Variants in DGKB observed in about 807,000 individuals in gnomAD.
The protein encoded by DGKB is diacylglycerol kinase beta.
A neutral mutation model predicts 114.3 loss-of-function variants in DGKB; 67 were observed. The ratio of observed to expected loss-of-function variants is 0.59; its 90% CI spans 0.48 to 0.72. DGKB has a LOEUF of 0.72. Among genes scored for constraint, DGKB ranks in the 30% least tolerant of loss-of-function variants. DGKB has a pLI of 0.00. For missense variants in DGKB, 907 were observed against 975.2 expected, an observed-to-expected ratio of 0.93 and a Z score of 0.93; for synonymous variants, 398 against 323.1, an observed-to-expected ratio of 1.23 and a Z score of -2.49.
intron 1 of DGKB, among the ~76,000 whole-genome samples, chr7:14,961,778 C>A (rs1263805662): frequency 6.6e-6 from 1 of 152,068 alleles, no homozygotes; most frequent in Non-Finnish European, 1.5e-5. Flanking sequence ...TCCTCCTACA[C>A]AATCCTGCTT....
intron 23 of DGKB, among the ~76,000 whole-genome samples, chr7:14,278,770 GAAT>G (rs1307980813): frequency 1.3e-5 from 2 of 151,904 alleles, no homozygotes; most frequent in East Asian, 1.9e-4. Flanking sequence ...ATAATAATGA[GAAT>G]AATAATATAA....
chr7:14,502,566 C>G (rs1786370094), intron 20 of DGKB, among the ~76,000 whole-genome samples: 1 of 152,090 alleles, frequency 6.6e-6, no homozygotes, highest in African/African-American at 2.4e-5. Flanking sequence ...TTCTGAAGTA[C>G]TTTTGGCAAT....
At chr7:14,545,203 T>A (rs974074454) in intron 20 of DGKB, among the ~76,000 whole-genome samples, 1 of 152,122 alleles carries the variant, frequency 6.6e-6, no homozygotes, top group Non-Finnish European at 1.5e-5. Context: ...AATAACATGA[T>A]ACACAGTACA....
intron 20 of DGKB, among the ~76,000 whole-genome samples, chr7:14,519,568 G>A (rs1180321362): frequency 1.3e-5 from 2 of 151,984 alleles, no homozygotes; most frequent in Non-Finnish European, 2.9e-5. Flanking sequence ...CTATTTCAAT[G>A]AGCATAAATT....
chr7:14,733,849 A>AGAAG (rs999413006), intron 5 of DGKB, among the ~76,000 whole-genome samples: 1 of 151,864 alleles, frequency 6.6e-6, no homozygotes, highest in Non-Finnish European at 1.5e-5. Context: ...AAGGAAGGAA[A>AGAAG]GAAGGAAGGA....
Position 14,183,872 on chromosome 7 carries a change from C to T in DGKB, c.2123-5721G>A, listed in dbSNP as rs78127427. On this transcript the variant is annotated intron_variant, in intron 23 of 25. Transcript: ENST00000402815. ...TTGTAAATTTTAGCTCAATAGATTGCAAGAACAAACCAGCAATCTCGAGAG... is the reference window on the plus strand; with the variant it reads ...TTGTAAATTTTAGCTCAATAGATTGTAAGAACAAACCAGCAATCTCGAGAG... Among the ~76,000 whole-genome samples the T allele has an allele frequency of 2.9e-3, 443 of 152,280 alleles. 3 individuals carry two copies. The highest frequency in any genetic ancestry group is 0.01 in the African/African-American group (427 of 41,568).
At chr7:14,390,866 A>T (rs1821204971) in intron 21 of DGKB, among the ~76,000 whole-genome samples, 1 of 152,202 alleles carries the variant, frequency 6.6e-6, no homozygotes, top group Non-Finnish European at 1.5e-5. Flanking sequence ...TGTATGCAAC[A>T]TATACTCATT....
chr7:14,881,761 G>A (rs536814479), intron 1 of DGKB, among the ~76,000 whole-genome samples: 1 of 152,168 alleles, frequency 6.6e-6, no homozygotes, highest in East Asian at 1.9e-4. Context: ...AGAAGACTGA[G>A]TGAAATGCTA....
At chr7:14,889,844 T>G (rs1369346601) in intron 1 of DGKB, among the ~76,000 whole-genome samples, 1 of 151,556 alleles carries the variant, frequency 6.6e-6, no homozygotes, top group Admixed American at 6.6e-5. Context: ...GTAGACATAA[T>G]TTTTAACCCA....
intron 4 of DGKB, among the ~76,000 whole-genome samples, chr7:14,741,911 G>C (rs1832640593): frequency 6.6e-6 from 1 of 152,042 alleles, no homozygotes; most frequent in Non-Finnish European, 1.5e-5. Flanking sequence ...CCAAGCTATA[G>C]GTATATTTAA....
intron 23 of DGKB, among the ~76,000 whole-genome samples, chr7:14,326,440 G>A (rs2128548713): frequency 6.6e-6 from 1 of 152,242 alleles, no homozygotes; most frequent in Admixed American, 6.5e-5. Flanking sequence ...TGAGTCAGGT[G>A]GAGCGGTGCT....
chr7:14,207,697 A>G (rs1280495070), intron 23 of DGKB, among the ~76,000 whole-genome samples: 1 of 151,984 alleles, frequency 6.6e-6, no homozygotes, highest in Non-Finnish European at 1.5e-5. Flanking sequence ...AAAAATCCTG[A>G]CTGATAAATG....
intron 21 of DGKB, among the ~76,000 whole-genome samples, chr7:14,418,299 ATATG>A (rs1199637554): frequency 6.9e-6 from 1 of 145,286 alleles, no homozygotes; most frequent in East Asian, 2.0e-4. Flanking sequence ...ATATATACAT[ATATG>A]TATGTATATA....
intron 21 of DGKB, among the ~76,000 whole-genome samples, chr7:14,382,382 T>A (rs1292019513): frequency 7.0e-5 from 3 of 42,784 alleles, no homozygotes; most frequent in Non-Finnish European, 2.4e-4. Context: ...ATACATAGTT[T>A]TTTTTTTTTT....
intron 23 of DGKB, among the ~76,000 whole-genome samples, chr7:14,208,382 ACCAGT>A (rs1475745590): frequency 6.6e-6 from 1 of 151,990 alleles, no homozygotes; most frequent in East Asian, 1.9e-4. Flanking sequence ...GAAAACAAAG[ACCAGT>A]CTAGGATAAA....
intron 13 of DGKB, among the ~76,000 whole-genome samples, chr7:14,666,631 T>C (rs1380620801): frequency 1.3e-5 from 2 of 151,960 alleles, no homozygotes; most frequent in Non-Finnish European, 2.9e-5. Context: ...ATCATGAGTC[T>C]CGATGAGTTG....
chr7:14,820,092 G>T (rs1219825862), intron 2 of DGKB, among the ~76,000 whole-genome samples: 1 of 151,932 alleles, frequency 6.6e-6, no homozygotes, highest in Admixed American at 6.6e-5. Flanking sequence ...TTTAGTACTG[G>T]CATGAGACTA....
intron 23 of DGKB, among the ~76,000 whole-genome samples, chr7:14,288,317 T>C (rs765188105): frequency 2.1e-5 from 3 of 146,224 alleles, no homozygotes; most frequent in Non-Finnish European, 4.5e-5. Context: ...CTGATATAGC[T>C]CTATACTGCT....
intron 20 of DGKB, among the ~76,000 whole-genome samples, chr7:14,529,400 A>G (rs1791184780): frequency 6.6e-6 from 1 of 151,930 alleles, no homozygotes; most frequent in Admixed American, 6.6e-5. Flanking sequence ...TTTAAAGTCT[A>G]TTTAAATAAA....
Sources: allele counts gnomAD v4.1 joint callset (sites outside exome capture counted in the v4.1 genomes callset), GRCh38; gene constraint gnomAD v4.1.1; transcripts MANE v1.5; gene names NCBI Gene and HGNC (gene_info 2026-07-23, HGNC 2026-07-21).